The following NLRP2 variants were observed in gnomAD, a reference collection of about 807,000 sequenced individuals.
NLRP2 encodes NLR family pyrin domain containing 2, also known as NACHT, LRR and PYD domains-containing protein 2.
Under a neutral mutation model 97.2 loss-of-function variants are expected in NLRP2, and 107 were observed. That is an observed-to-expected ratio of 1.10 (90% CI 0.94 to 1.29). NLRP2 has a LOEUF of 1.29. NLRP2 is among the 50% of genes most tolerant of loss of function. The pLI is 0.00. For synonymous variants in NLRP2, 663 were observed against 551.5 expected (o/e 1.20, Z -2.83); for missense variants, 1,495 against 1,330.3 (o/e 1.12, Z -1.93).
At chr19:54,976,653 A>G (rs895327045) in intron 3 of NLRP2, among the ~76,000 whole-genome samples, 1 of 151,506 alleles carries the variant, frequency 6.6e-6, no homozygotes, top group Non-Finnish European at 1.5e-5. Flanking sequence ...GGTGGTGAAG[A>G]CTCTAAAGGC....
In NLRP2 at chr19:54,986,206, G is replaced by T; in HGVS notation, c.2257G>T (p.Gly753Cys). 1 of 1,613,476 alleles carries T rather than the reference G, an allele frequency of 6.2e-7. No individual in the cohort carries two copies. Among genetic ancestry groups the T allele is most frequent in the Non-Finnish European group, 8.5e-7 (1 of 1,179,432 alleles). Reference protein sequence around the residue: ...AHRNLCLALRGHKTVTYLTLQ... With the variant: ...AHRNLCLALRCHKTVTYLTLQ... ...TCGGAACCTCTGCCTAGCTCTTCGA[G>T]GTCACAAGACTGTAACGTATCTGAC... The change falls in exon 8 of 13, where the codon GGT becomes TGT. Residue 753 changes from glycine (G) to cysteine (C), a missense_variant. Transcript: ENST00000448584.
At position 54,985,050 on chromosome 19, in the gene NLRP2, C is replaced by T. The variant is rs1266672769; in HGVS notation, c.2034C>T (p.Ser678=). 2.5e-6 allele frequency: 4 copies of T among 1,613,992 alleles called. No individual in the cohort carries two copies. Among genetic ancestry groups the T allele is most frequent in the Non-Finnish European group, 3.4e-6 (4 of 1,179,990 alleles). The part of the protein sequence containing the change: ...ASESDAEVER[S]QDDQHMLPFW... ...CCCTTTCTTCTCTTCCCTATAGATC[C>T]CAGGATGATCAGCACATGCTTCCTT... Residue 678 remains serine (S), a synonymous_variant, in exon 7 of 13, where the codon TCC becomes TCT. Transcript: ENST00000448584.
chr19:54,984,978 G>A, intron 6 of NLRP2, 69 bp from the exon 7 acceptor site: 1 of 1,512,316 alleles, frequency 6.6e-7, no homozygotes, highest in Non-Finnish European at 9.2e-7. Flanking sequence ...TATATGCCCA[G>A]AGAAACCCTA....
chr19:54,984,329 G>GTGTT, intron 6 of NLRP2, among the ~76,000 whole-genome samples: 3 of 79,668 alleles, frequency 3.8e-5, no homozygotes, highest in African/African-American at 1.4e-4. Flanking sequence ...TTTTTTTTGT[G>GTGTT]TTTTTTTTTT....
chr19:54,982,599 ATCG>A lies in NLRP2; in HGVS notation c.902_904del (p.Ile301_Glu302delinsLys). On this transcript the variant is annotated inframe_deletion, in exon 6 of 13. Coordinates refer to ENST00000448584, the MANE Select transcript of NLRP2 (RefSeq NM_017852.5). ...GCTGGGAGCCGCACCTGGGGCGCTG[ATCG>A]AGGACATCTGCGGGGACTGGGAGAA... is the stretch of plus-strand genomic sequence containing the variant. 1.2e-6 allele frequency: 2 copies of A among 1,614,116 alleles called. No homozygotes were observed. The highest frequency in any genetic ancestry group is 8.5e-7 in the Non-Finnish European group (1 of 1,180,022).
chr19:54,989,895 G>C, intron 8 of NLRP2, 127 bp from the exon 9 acceptor site: 2 of 944,800 alleles, frequency 2.1e-6, no homozygotes, highest in Non-Finnish European at 3.3e-6. Context: ...GGAGGCTGAG[G>C]CAGGAGAATC....
rs747904944 is a variant in NLRP2 at position 54,994,382 on chromosome 19, G to A, written c.2822G>A (p.Gly941Glu). 2.5e-6 allele frequency: 4 copies of A among 1,613,932 alleles called. No homozygotes were observed. Among genetic ancestry groups the A allele is most frequent in the East Asian group, 2.2e-5 (1 of 44,874 alleles). Reference protein sequence around the residue: ...DLGLNHIGVKGMKFLCEALRK... With the variant: ...DLGLNHIGVKEMKFLCEALRK... ...GGGCTGAATCACATAGGAGTTAAGG[G>A]AATGAAGTTCCTGTGTGAGGCTTTG... is the stretch of plus-strand genomic sequence containing the variant. The change falls in exon 11 of 13, where the codon GGA becomes GAA. Residue 941 changes from glycine to glutamate, a missense_variant. Physicochemically the swap from Gly to Glu is moderately conservative, Grantham distance 98. Transcript: ENST00000448584.
intron 8 of NLRP2, among the ~76,000 whole-genome samples, chr19:54,988,959 C>G (rs1256685036): frequency 6.6e-6 from 1 of 151,942 alleles, no homozygotes; most frequent in Non-Finnish European, 1.5e-5. Flanking sequence ...CGCTTGAAGT[C>G]AGGAGTTTTT....
At chr19:54,996,288 G>A (rs954347592) in intron 11 of NLRP2, among the ~76,000 whole-genome samples, 4 of 151,974 alleles carry the variant, frequency 2.6e-5, no homozygotes, top group African/African-American at 9.7e-5. Context: ...ATCACCTAAG[G>A]TCAGGAGTTC....
intron 11 of NLRP2, among the ~76,000 whole-genome samples, chr19:54,995,080 G>A (rs974713309): frequency 6.6e-6 from 1 of 150,514 alleles, no homozygotes; most frequent in Non-Finnish European, 1.5e-5. Flanking sequence ...TCGGGAGGCC[G>A]AAGCGGGCGG....
At chr19:54,969,842 G>GAT (rs1260548651) in intron 1 of NLRP2, among the ~76,000 whole-genome samples, 157 bp from the exon 2 acceptor site, 1 of 152,108 alleles carries the variant, frequency 6.6e-6, no homozygotes, top group African/African-American at 2.4e-5. Context: ...TTTTCATGGA[G>GAT]ATGGGGGTCT....
intron 6 of NLRP2, among the ~76,000 whole-genome samples, chr19:54,984,197 A>C (rs2071865717): frequency 6.6e-6 from 1 of 151,904 alleles, no homozygotes; most frequent in Non-Finnish European, 1.5e-5. Flanking sequence ...CTCAGGCTGG[A>C]GTACAGTGGT....
At chr19:54,996,104 G>A (rs1370918494) in intron 11 of NLRP2, among the ~76,000 whole-genome samples, 2 of 150,596 alleles carry the variant, frequency 1.3e-5, no homozygotes, top group East Asian at 3.9e-4. Flanking sequence ...GTGTAGAGGA[G>A]CAAAAAGTTT....
chr19:54,973,635 G>A (rs891726686), intron 2 of NLRP2, among the ~76,000 whole-genome samples: 1 of 151,968 alleles, frequency 6.6e-6, no homozygotes, highest in African/African-American at 2.4e-5. Context: ...CAGCCTCCCA[G>A]AGTGCTGGGA....
chr19:54,978,063 T>C, intron 4 of NLRP2, among the ~76,000 whole-genome samples: 1 of 151,962 alleles, frequency 6.6e-6, no homozygotes, highest in East Asian at 1.9e-4. Context: ...AGAGAGTTTT[T>C]GTTTTTGTTT....
intron 4 of NLRP2, 93 bp from the exon 5 acceptor site, chr19:54,981,524 C>CCCCCCCCCCCCCCCCCCG: frequency 2.2e-6 from 1 of 450,130 alleles, no homozygotes; most frequent in East Asian, 6.1e-5. Flanking sequence ...CCCTCCCCCC[C>CCCCCCCCCCCCCCCCCCG]GCCCCATCAG....
intron 8 of NLRP2, among the ~76,000 whole-genome samples, chr19:54,987,137 CCCCCA>C (rs1568514926): frequency 6.8e-6 from 1 of 146,572 alleles, no homozygotes; most frequent in African/African-American, 2.5e-5. Context: ...TACCCCCCCA[CCCCCA>C]CCCCACCCCG....
chr19:54,967,917 ATTTTTT>A (rs55659818), intron 1 of NLRP2, among the ~76,000 whole-genome samples: 25 of 126,304 alleles, frequency 2.0e-4, no homozygotes, highest in Non-Finnish European at 3.0e-4. Context: ...TGCTACTGCT[ATTTTTT>A]TTTTTTTTTT....
Position 54,966,825 on chromosome 19 carries a change from C to CTTT in NLRP2, c.-18+382_-18+384dup, listed in dbSNP as rs1044701142. On this transcript the variant is annotated intron_variant, in intron 1 of 12. Transcript: ENST00000448584. ...ACAGGCGTGAGCCACCGCGCCCAGC[C>CTTT]TTTTTTTTTTTTTTTTTTTTTTTTT... 9.3e-4 allele frequency among the ~76,000 whole-genome samples: 70 copies of CTTT among 74,986 alleles called. 1 individual carries two copies. The highest frequency in any genetic ancestry group is 1.3e-3 in the Non-Finnish European group (53 of 41,688). 49.2% of individuals were successfully genotyped at this position (74,986 alleles called of 152,430 possible). A position where few individuals can be genotyped will look rare whatever the true frequency, so the allele number is the denominator to read the frequency against.
Sources: gnomAD v4.1 joint callset for allele counts (sites outside exome capture counted in the v4.1 genomes callset) on GRCh38, gnomAD v4.1.1 for gene constraint, MANE v1.5 for transcripts, NCBI Gene and HGNC (gene_info 2026-07-23, HGNC 2026-07-21) for gene names.